ATL2: variants seen among roughly 807,000 people sequenced by gnomAD.
The protein encoded by ATL2 is atlastin GTPase 2.
A neutral mutation model predicts 73.9 loss-of-function variants in ATL2; 31 were observed. The observed-to-expected ratio is 0.42, with a 90% CI of 0.32 to 0.57. The LOEUF (loss-of-function observed/expected upper bound fraction) is 0.57, where lower values mean the gene tolerates loss of function less well. Among genes scored for constraint, ATL2 ranks in the 20% least tolerant of loss-of-function variants. The pLI, the probability that ATL2 is intolerant of heterozygous loss-of-function variation, is 0.14. For synonymous variants in ATL2, 291 were observed against 237.5 expected, an observed-to-expected ratio of 1.23 and a Z score of -2.07; for missense variants, 738 against 702.6, an observed-to-expected ratio of 1.05 and a Z score of -0.57.
chr2:38,305,899 A>C (rs1256597847), intron 9 of ATL2, among the ~76,000 whole-genome samples: 1 of 152,168 alleles, frequency 6.6e-6, no homozygotes, highest in Non-Finnish European at 1.5e-5. Context: ...AACTAAACCC[A>C]AAATTAGAAG....
intron 2 of ATL2, among the ~76,000 whole-genome samples, chr2:38,340,839 T>C (rs955188721): frequency 3.9e-5 from 6 of 152,220 alleles, no homozygotes; most frequent in South Asian, 2.1e-4. Context: ...AGGAATTCTA[T>C]AGGGCAATAC....
chr2:38,323,776 G>A (rs536689471), intron 2 of ATL2, among the ~76,000 whole-genome samples: 3 of 152,166 alleles, frequency 2.0e-5, no homozygotes, highest in African/African-American at 4.8e-5. Flanking sequence ...GCAATGGCAC[G>A]ATCATAGCTC....
intron 1 of ATL2, among the ~76,000 whole-genome samples, chr2:38,347,285 C>A (rs900349381): frequency 3.3e-5 from 5 of 152,208 alleles, no homozygotes; most frequent in Non-Finnish European, 7.3e-5. Flanking sequence ...CCTATTCATT[C>A]CCAAAGCCTG....
chr2:38,301,151 G>C (rs1277447945), intron 9 of ATL2, among the ~76,000 whole-genome samples: 2 of 152,042 alleles, frequency 1.3e-5, no homozygotes, highest in African/African-American at 4.8e-5. Flanking sequence ...CGTATTTTTA[G>C]GAGAGACGGG....
chr2:38,341,271 G>GT (rs1359382459), intron 2 of ATL2, among the ~76,000 whole-genome samples: 2 of 152,044 alleles, frequency 1.3e-5, no homozygotes, highest in Non-Finnish European at 2.9e-5. Context: ...TAAATGTACA[G>GT]TTTTTTTAAA....
At chr2:38,342,835 G>A (rs1265554850) in intron 2 of ATL2, among the ~76,000 whole-genome samples, 1 of 152,090 alleles carries the variant, frequency 6.6e-6, no homozygotes, top group East Asian at 1.9e-4. Flanking sequence ...ATGCAGAAGG[G>A]AATTATGGCG....
At chr2:38,319,868 G>A (rs1668224434) in intron 2 of ATL2, among the ~76,000 whole-genome samples, 1 of 152,104 alleles carries the variant, frequency 6.6e-6, no homozygotes, top group Non-Finnish European at 1.5e-5. Flanking sequence ...AGCACTTTGG[G>A]AGGACGAGGC....
chr2:38,341,056 A>C (rs572575731), intron 2 of ATL2, among the ~76,000 whole-genome samples: 2 of 152,310 alleles, frequency 1.3e-5, no homozygotes, highest in South Asian at 4.1e-4. Context: ...AGATGGAAAC[A>C]GAAATGGCAC....
At chr2:38,323,584 T>A (rs6749377) in intron 2 of ATL2, among the ~76,000 whole-genome samples, 14,704 of 152,094 alleles carry the variant, frequency 0.097, 2,392 homozygotes, top group African/African-American at 0.33. Context: ...TATCAGCAAT[T>A]AAGAAACCTT....
intron 2 of ATL2, among the ~76,000 whole-genome samples, chr2:38,325,659 AG>A (rs1668571815): frequency 5.2e-4 from 3 of 5,760 alleles, no homozygotes; most frequent in African/African-American, 1.7e-3. Context: ...CACACACACC[AG>A]TACACACACA....
At chr2:38,344,606 T>A (rs1475678730) in intron 1 of ATL2, among the ~76,000 whole-genome samples, 1 of 152,004 alleles carries the variant, frequency 6.6e-6, no homozygotes, top group Non-Finnish European at 1.5e-5. Context: ...TGAGTCTCAG[T>A]CTCAAAAAAC....
chr2:38,319,042 TA>T, intron 2 of ATL2, 23 bp from the exon 3 acceptor site: 1 of 1,603,596 alleles, frequency 6.2e-7, no homozygotes, highest in South Asian at 1.1e-5. Context: ...AGGATAAATG[TA>T]AAATACAACA....
intron 1 of ATL2, chr2:38,376,096 CTT>C: frequency 6.8e-7 from 1 of 1,472,610 alleles, no homozygotes; most frequent in Non-Finnish European, 9.1e-7. Flanking sequence ...ATAATAAACT[CTT>C]ATCTTGGCCG....
chr2:38,364,300 T>A (rs569239131), intron 1 of ATL2, among the ~76,000 whole-genome samples: 1 of 152,128 alleles, frequency 6.6e-6, no homozygotes, highest in South Asian at 2.1e-4. Context: ...AAAAGTATAG[T>A]CTGAGAATGT....
rs547629822 is a variant in ATL2, at chr2:38,355,608, T to C, written c.119-12096A>G. On this transcript the variant is annotated intron_variant, in intron 1 of 12. Transcript: ENST00000378954. ...AAAATGTGTACTCATCAGAAAGACA[T>C]AACAATGCCAAGTAAGAAACTCAAA... Among the ~76,000 whole-genome samples the C allele has an allele frequency of 1.7e-4, 26 of 151,470 alleles. 1 individual carries two copies. The highest frequency in any genetic ancestry group is 5.8e-4 in the African/African-American group (24 of 41,234).
At chr2:38,356,531 T>C (rs1396643872) in intron 1 of ATL2, among the ~76,000 whole-genome samples, 1 of 152,188 alleles carries the variant, frequency 6.6e-6, no homozygotes, top group Admixed American at 6.5e-5. Context: ...ATCTGCTGTG[T>C]ATTTTACACC....
chr2:38,357,332 T>C (rs370403235), intron 1 of ATL2, among the ~76,000 whole-genome samples: 1 of 144,098 alleles, frequency 6.9e-6, no homozygotes, highest in Non-Finnish European at 1.5e-5. Flanking sequence ...GTCTCAAAAA[T>C]AAATAAATAA....
At chr2:38,359,581 C>A (rs898843703) in intron 1 of ATL2, 2 of 152,002 alleles carry the variant, frequency 1.3e-5, no homozygotes, top group African/African-American at 4.8e-5. Context: ...CTATAGGATT[C>A]ACATACTATT....
chr2:38,345,530 GC>G (rs1174123245), intron 1 of ATL2, among the ~76,000 whole-genome samples: 2 of 152,128 alleles, frequency 1.3e-5, no homozygotes, highest in African/African-American at 2.4e-5. Context: ...ATTATAAAGA[GC>G]AAGCCACTTC....
Sources: allele counts gnomAD v4.1 joint callset (sites outside exome capture counted in the v4.1 genomes callset), GRCh38; gene constraint gnomAD v4.1.1; transcripts MANE v1.5; gene names NCBI Gene and HGNC (gene_info 2026-07-23, HGNC 2026-07-21).